The following CNTN5 variants were observed in gnomAD, a reference collection of about 807,000 sequenced individuals.
CNTN5 encodes the protein contactin-5.
CNTN5 carries 77 observed loss-of-function variants against 129.1 expected under a neutral mutation model. The ratio of observed to expected loss-of-function variants is 0.60; its 90% confidence interval spans 0.50 to 0.72. The LOEUF is 0.72. CNTN5 is among the 30% of genes least tolerant of loss of function. The pLI is 0.00. For missense variants in CNTN5, 1,478 were observed against 1,328.8 expected (o/e 1.11, Z -1.75); for synonymous variants, 509 against 465.6 (o/e 1.09, Z -1.20).
At chr11:99,383,538 CG>C (rs1232526032) in intron 2 of CNTN5, among the ~76,000 whole-genome samples, 2 of 150,900 alleles carry the variant, frequency 1.3e-5, no homozygotes, top group African/African-American at 4.9e-5. Flanking sequence ...TAAAGGGACT[CG>C]ATACCTGCTC....
chr11:99,327,801 C>T (rs1359890011), intron 2 of CNTN5, among the ~76,000 whole-genome samples: 1 of 152,116 alleles, frequency 6.6e-6, no homozygotes, highest in East Asian at 1.9e-4. Flanking sequence ...CAGTTCCTGC[C>T]ATAATAAGAG....
At chr11:99,441,640 A>G (rs1275161167) in intron 2 of CNTN5, among the ~76,000 whole-genome samples, 4 of 152,192 alleles carry the variant, frequency 2.6e-5, no homozygotes, top group African/African-American at 9.6e-5. Context: ...GTAACTTATG[A>G]GAGGTTGACT....
At chr11:99,580,236 A>G in intron 3 of CNTN5, among the ~76,000 whole-genome samples, 1 of 152,134 alleles carries the variant, frequency 6.6e-6, no homozygotes, top group East Asian at 1.9e-4. Flanking sequence ...GTTTGCCAGT[A>G]TTTTAGTGAG....
At chr11:100,055,539 A>C (rs1943183160) in intron 9 of CNTN5, among the ~76,000 whole-genome samples, 1 of 151,160 alleles carries the variant, frequency 6.6e-6, no homozygotes, top group Non-Finnish European at 1.5e-5. Context: ...TCCTAAAGAA[A>C]AATTTACAGG....
chr11:100,233,630 C>T (rs894906769), intron 16 of CNTN5, among the ~76,000 whole-genome samples: 1 of 152,028 alleles, frequency 6.6e-6, no homozygotes, highest in Non-Finnish European at 1.5e-5. Flanking sequence ...TCTGAACTTC[C>T]TCTGATGGCC....
intron 21 of CNTN5, among the ~76,000 whole-genome samples, chr11:100,327,179 T>C (rs1428615058): frequency 6.6e-6 from 1 of 152,240 alleles, no homozygotes; most frequent in African/African-American, 2.4e-5. Context: ...ACAGGCACAC[T>C]CCCAGCCTCA....
At chr11:100,313,418 C>A (rs1161463391) in intron 21 of CNTN5, among the ~76,000 whole-genome samples, 1 of 144,276 alleles carries the variant, frequency 6.9e-6, no homozygotes, top group Non-Finnish European at 1.5e-5. Flanking sequence ...GCATATCTGG[C>A]TTGGACACAT....
intron 16 of CNTN5, among the ~76,000 whole-genome samples, chr11:100,234,309 A>T (rs1949555139): frequency 6.6e-6 from 1 of 152,166 alleles, no homozygotes; most frequent in Non-Finnish European, 1.5e-5. Flanking sequence ...TACCCAAAGG[A>T]TTATAAATCA....
At chr11:99,300,707 G>C (rs1310711856) in intron 1 of CNTN5, among the ~76,000 whole-genome samples, 1 of 151,916 alleles carries the variant, frequency 6.6e-6, no homozygotes, top group African/African-American at 2.4e-5. Context: ...ATCACCAGCA[G>C]ATCTGCCCTA....
At chr11:99,814,825 G>T (rs1362252737) in intron 3 of CNTN5, among the ~76,000 whole-genome samples, 2 of 152,082 alleles carry the variant, frequency 1.3e-5, no homozygotes, top group African/African-American at 2.4e-5. Context: ...TCTCCAAACT[G>T]AGTGATTATA....
At chr11:100,104,743 T>C (rs1945359042) in intron 13 of CNTN5, among the ~76,000 whole-genome samples, 1 of 152,162 alleles carries the variant, frequency 6.6e-6, no homozygotes, top group Non-Finnish European at 1.5e-5. Context: ...TCTGGGTAAT[T>C]TGACCCCTCC....
rs1386718568 is a variant in CNTN5, at chr11:100,071,698, A to G, written c.1300-7A>G. The G allele has an allele frequency of 2.6e-6, 4 of 1,555,874 alleles. No homozygotes were observed. Among genetic ancestry groups the G allele is most frequent in the East Asian group, 4.6e-5 (2 of 43,582 alleles). On this transcript the variant is annotated splice_polypyrimidine_tract_variant and splice_region_variant and intron_variant, in intron 11 of 24. Coordinates refer to ENST00000524871, the MANE Select transcript of CNTN5 (RefSeq NM_014361.4). ...TTCTAGATCTAATTTTTTTAATTCC[A>G]TTACAGAGTAGGGTTGAGATGGTTA... is the stretch of plus-strand genomic sequence containing the variant.
At chr11:100,219,398 C>T (rs1239138388) in intron 15 of CNTN5, among the ~76,000 whole-genome samples, 1 of 152,160 alleles carries the variant, frequency 6.6e-6, no homozygotes, top group Non-Finnish European at 1.5e-5. Context: ...CAAGTCAGCC[C>T]AGGAAAACAT....
At chr11:99,142,466 G>C (rs959353965) in intron 1 of CNTN5, among the ~76,000 whole-genome samples, 1 of 152,120 alleles carries the variant, frequency 6.6e-6, no homozygotes, top group African/African-American at 2.4e-5. Context: ...GGAGGGGTCT[G>C]CTGGTGTAGG....
intron 2 of CNTN5, among the ~76,000 whole-genome samples, chr11:99,488,549 T>C (rs1456075766): frequency 6.6e-6 from 1 of 151,994 alleles, no homozygotes; most frequent in Non-Finnish European, 1.5e-5. Flanking sequence ...GTATGGAGGC[T>C]AGGTCTTCAA....
At chr11:99,126,041 G>T (rs144926167) in intron 1 of CNTN5, among the ~76,000 whole-genome samples, 36 of 152,064 alleles carry the variant, frequency 2.4e-4, no homozygotes, top group Non-Finnish European at 4.4e-4. Flanking sequence ...ATTATTTATT[G>T]GCTATGATCT....
chr11:99,064,550 A>C (rs1321485451), intron 1 of CNTN5, among the ~76,000 whole-genome samples: 1 of 152,120 alleles, frequency 6.6e-6, no homozygotes, highest in East Asian at 1.9e-4. Flanking sequence ...TATTTAAAGA[A>C]ATGTGAGAAA....
intron 3 of CNTN5, among the ~76,000 whole-genome samples, chr11:99,665,618 C>T (rs141791308): frequency 0.015 from 2,293 of 150,694 alleles, 109 homozygotes; most frequent in Admixed American, 0.096. Context: ...TCCCAAGTGG[C>T]TGGGTTTACA....
intron 3 of CNTN5, among the ~76,000 whole-genome samples, chr11:99,753,195 T>C (rs1389612867): frequency 5.7e-5 from 8 of 139,634 alleles, no homozygotes; most frequent in Non-Finnish European, 1.1e-4. Flanking sequence ...AGATCTCGAC[T>C]CACTGCAAGC....
Sources: allele counts gnomAD v4.1 joint callset (sites outside exome capture counted in the v4.1 genomes callset), GRCh38; gene constraint gnomAD v4.1.1; transcripts MANE v1.5; gene names NCBI Gene and HGNC (gene_info 2026-07-23, HGNC 2026-07-21).